Variants in NAV3 observed in about 807,000 individuals in gnomAD.
NAV3 encodes pore membrane and/or filament interacting like protein 1.
Under a neutral mutation model 244.7 loss-of-function variants are expected in NAV3, and 87 were observed. The observed-to-expected ratio is 0.36, with a 90% CI of 0.30 to 0.42. The LOEUF (loss-of-function observed/expected upper bound fraction) is 0.42. NAV3 is among the 20% of genes least tolerant of loss of function. The probability of loss-of-function intolerance (pLI) is 1.00; values close to 1 mark genes in which losing one functional copy is unlikely to be tolerated. For missense variants in NAV3, 2,663 were observed against 2,893.3 expected (o/e 0.92, Z 1.83); for synonymous variants, 1,126 against 1,042.2 (o/e 1.08, Z -1.55).
intron 12 of NAV3, among the ~76,000 whole-genome samples, chr12:78,072,611 G>A (rs1285950681): frequency 1.5e-5 from 1 of 67,336 alleles, no homozygotes; most frequent in East Asian, 4.1e-4. Flanking sequence ...AGAGGTACAA[G>A]GAGGAACTGG....
chr12:77,941,050 TTC>T (rs1889822855), intron 2 of NAV3, 29 bp from the exon 3 acceptor site: 2 of 1,441,364 alleles, frequency 1.4e-6, no homozygotes, highest in Non-Finnish European at 1.9e-6. Context: ...CGTTCTTTTT[TTC>T]TCTCTTTTAT....
intron 9 of NAV3, among the ~76,000 whole-genome samples, chr12:78,022,067 A>G (rs1201081409): frequency 6.6e-6 from 1 of 152,188 alleles, no homozygotes; most frequent in Non-Finnish European, 1.5e-5. Flanking sequence ...TAGTCCTTTC[A>G]GAAGTGAAGA....
chr12:77,612,554 A>G (rs1048485594), intron 2 of NAV3, among the ~76,000 whole-genome samples: 1 of 152,070 alleles, frequency 6.6e-6, no homozygotes, highest in African/African-American at 2.4e-5. Context: ...TCCCCATATA[A>G]TTTGGCTTAA....
rs115538690 is a variant in NAV3, at chr12:77,802,573, A to C, written c.73-137746A>C. ...GAGATTCGAGTAATTATTCTCTAGC[A>C]ATAAATTCTAGAGTAATGTAAGCCT... On this transcript the variant is annotated intron_variant, in intron 2 of 8. Coordinates refer to the NAV3 transcript ENST00000550042. 6.5e-3 allele frequency among the ~76,000 whole-genome samples: 986 copies of C among 152,362 alleles called. 8 individuals are homozygous for C. Among genetic ancestry groups the C allele is most frequent in the African/African-American group, 0.023 (954 of 41,590 alleles).
At chr12:77,756,780 A>G (rs1283206830) in intron 2 of NAV3, among the ~76,000 whole-genome samples, 2 of 152,196 alleles carry the variant, frequency 1.3e-5, no homozygotes, top group African/African-American at 2.4e-5. Context: ...ATCCATATCC[A>G]CCTATATTTA....
chr12:78,140,199 C>T (rs1956546685), intron 19 of NAV3, 83 bp from the exon 20 acceptor site: 8 of 1,100,998 alleles, frequency 7.3e-6, no homozygotes, highest in South Asian at 3.9e-5. Flanking sequence ...CCTAACCACC[C>T]GTTCTTTACT....
intron 5 of NAV3, among the ~76,000 whole-genome samples, chr12:77,971,874 T>C (rs1414139871): frequency 6.6e-6 from 1 of 152,194 alleles, no homozygotes; most frequent in Admixed American, 6.6e-5. Context: ...TTTATTCTCT[T>C]TGTTTAAAGT....
chr12:77,662,805 AG>A (rs947569195), intron 2 of NAV3, among the ~76,000 whole-genome samples: 1 of 152,162 alleles, frequency 6.6e-6, no homozygotes, highest in African/African-American at 2.4e-5. Context: ...CAGAAAAAAA[AG>A]AACACAGAAA....
rs1036078995 is a variant in NAV3, at chr12:77,814,016, GA to G, written c.73-126299del. 1.2e-3 allele frequency among the ~76,000 whole-genome samples: 184 copies of G among 152,250 alleles called. 1 individual carries two copies. The highest frequency in any genetic ancestry group is 4.2e-3 in the African/African-American group (173 of 41,550). On this transcript the variant is annotated intron_variant, in intron 2 of 8. Transcript: ENST00000550042. Reference sequence around the variant, plus strand: ...AGTAGCAGCATTTAGGAACTTGTTAGAAAAGCAGATCCTCAGGCTGCACCTC... The same window carrying G: ...AGTAGCAGCATTTAGGAACTTGTTAGAAAGCAGATCCTCAGGCTGCACCTC...
At chr12:77,821,985 T>G in intron 2 of NAV3, among the ~76,000 whole-genome samples, 1 of 152,172 alleles carries the variant, frequency 6.6e-6, no homozygotes, top group East Asian at 1.9e-4. Flanking sequence ...AATGATTTTG[T>G]TTTAATGGAA....
intron 12 of NAV3, chr12:78,091,364 G>A (rs1402213055): frequency 6.6e-6 from 1 of 152,102 alleles, no homozygotes; most frequent in Non-Finnish European, 1.5e-5. Context: ...GATTAATGTT[G>A]ATAATTTTAA....
At chr12:78,183,309 A>G (rs1958576276) in intron 30 of NAV3, among the ~76,000 whole-genome samples, 1 of 152,026 alleles carries the variant, frequency 6.6e-6, no homozygotes, top group African/African-American at 2.4e-5. Context: ...AGCCACCCAC[A>G]GTCAACAGAA....
At chr12:77,991,402 G>T (rs1034657364) in intron 5 of NAV3, among the ~76,000 whole-genome samples, 5 of 152,124 alleles carry the variant, frequency 3.3e-5, no homozygotes, top group Non-Finnish European at 7.4e-5. Context: ...TGAAGAGATT[G>T]CTTTGAAGAA....
At chr12:78,049,859 GATA>G (rs1208587300) in intron 9 of NAV3, 131 bp from the exon 10 acceptor site, 6 of 562,850 alleles carry the variant, frequency 1.1e-5, no homozygotes, top group Non-Finnish European at 1.9e-5. Context: ...ATAATTTGTA[GATA>G]ATAATAGTTA....
intron 12 of NAV3, among the ~76,000 whole-genome samples, chr12:78,076,210 A>G (rs920755498): frequency 6.6e-6 from 1 of 152,116 alleles, no homozygotes; most frequent in Non-Finnish European, 1.5e-5. Flanking sequence ...AAAACCAGCT[A>G]TTCTGTGGCG....
intron 1 of NAV3, among the ~76,000 whole-genome samples, chr12:77,907,744 A>G (rs1298865572): frequency 1.3e-5 from 2 of 152,102 alleles, no homozygotes; most frequent in East Asian, 3.8e-4. Flanking sequence ...AAGAAAGCTA[A>G]GACTCCAGTA....
intron 12 of NAV3, among the ~76,000 whole-genome samples, chr12:78,088,132 C>T (rs952554767): frequency 4.6e-5 from 7 of 151,094 alleles, no homozygotes; most frequent in African/African-American, 1.7e-4. Flanking sequence ...ACTTCTTATC[C>T]ACTTAACATA....
At chr12:78,064,426 T>TCTGC (rs1555273018) in intron 12 of NAV3, among the ~76,000 whole-genome samples, 19,040 of 135,864 alleles carry the variant, frequency 0.14, 1,937 homozygotes, top group African/African-American at 0.26. Context: ...TGTCTGTCTG[T>TCTGC]CTGCCTGCCT....
At chr12:77,983,566 C>A (rs1257200664) in intron 5 of NAV3, among the ~76,000 whole-genome samples, 3 of 151,968 alleles carry the variant, frequency 2.0e-5, no homozygotes, top group African/African-American at 7.3e-5. Context: ...AGGAGAGAAG[C>A]CAGAGCCAGA....
Sources: allele counts gnomAD v4.1 joint callset (sites outside exome capture counted in the v4.1 genomes callset), GRCh38; gene constraint gnomAD v4.1.1; transcripts MANE v1.5; gene names NCBI Gene and HGNC (gene_info 2026-07-23, HGNC 2026-07-21).